Variants in BCAT1 observed in about 807,000 individuals in gnomAD.
BCAT1 encodes branched-chain-amino-acid aminotransferase, cytosolic.
Under a neutral mutation model 52.4 loss-of-function variants are expected in BCAT1, and 48 were observed. The observed-to-expected ratio is 0.92, with a 90% CI of 0.73 to 1.16. The LOEUF is 1.16. BCAT1 is among the 50% of genes most tolerant of loss of function. The pLI is 0.00. For missense variants in BCAT1, 451 were observed against 457.1 expected (o/e 0.99, Z 0.12); for synonymous variants, 167 against 161.3 (o/e 1.04, Z -0.27).
At chr12:24,871,435 T>G (rs1436652284) in intron 5 of BCAT1, among the ~76,000 whole-genome samples, 1 of 152,168 alleles carries the variant, frequency 6.6e-6, no homozygotes, top group African/African-American at 2.4e-5. Flanking sequence ...GAACACACAG[T>G]GCTGGGCGAA....
At chr12:24,848,291 G>C (rs12229575) in intron 6 of BCAT1, among the ~76,000 whole-genome samples, 10 of 151,930 alleles carry the variant, frequency 6.6e-5, no homozygotes, top group African/African-American at 2.4e-4. Context: ...ACCCCTTCCC[G>C]AACACCCTCT....
chr12:24,922,794 C>T (rs1035696839), intron 1 of BCAT1, among the ~76,000 whole-genome samples: 1 of 151,314 alleles, frequency 6.6e-6, no homozygotes, highest in African/African-American at 2.4e-5. Flanking sequence ...TGCTTGAATC[C>T]AGGAGGCAGA....
upstream of BCAT1, chr12:24,949,120 C>CGG (rs1943984112): frequency 1.7e-6 from 1 of 593,794 alleles, no homozygotes; most frequent in East Asian, 2.9e-5. Context: ...CCTCTCGCGG[C>CGG]GGAGACTCGC....
intron 1 of BCAT1, among the ~76,000 whole-genome samples, chr12:24,908,160 G>A (rs1048922164): frequency 6.6e-5 from 10 of 152,090 alleles, no homozygotes; most frequent in Admixed American, 2.6e-4. Context: ...TCATAGAACT[G>A]CTCTCCCTCA....
At chr12:24,818,133 G>A (rs937426439) in intron 10 of BCAT1, 84 bp from the exon 11 acceptor site, 2 of 1,386,296 alleles carry the variant, frequency 1.4e-6, no homozygotes, top group Admixed American at 1.8e-5. Flanking sequence ...TACCGCCAAG[G>A]TTACACAAAA....
chr12:24,942,467 C>A (rs2139763283), intron 1 of BCAT1, among the ~76,000 whole-genome samples: 2 of 151,860 alleles, frequency 1.3e-5, no homozygotes. Flanking sequence ...TTGCTTGAAC[C>A]CGGGAGGCAG....
At chr12:24,826,913 G>T (rs1940424903) in intron 10 of BCAT1, among the ~76,000 whole-genome samples, 1 of 152,014 alleles carries the variant, frequency 6.6e-6, no homozygotes, top group Non-Finnish European at 1.5e-5. Context: ...AAATGGGATT[G>T]CTTTCTTGAT....
At chr12:24,936,159 A>G (rs1327191260) in intron 1 of BCAT1, among the ~76,000 whole-genome samples, 2 of 152,220 alleles carry the variant, frequency 1.3e-5, no homozygotes, top group African/African-American at 4.8e-5. Context: ...CACCATTTCC[A>G]GGTACCAAAA....
At chr12:24,855,361 T>C (rs536735431) in intron 5 of BCAT1, among the ~76,000 whole-genome samples, 17 of 151,854 alleles carry the variant, frequency 1.1e-4, no homozygotes, top group Admixed American at 1.0e-3. Context: ...GACTGAATTA[T>C]CACCATTCTT....
chr12:24,943,712 C>A lies in BCAT1; in HGVS notation c.6+5215G>T, dbSNP rs186145630. On this transcript the variant is annotated intron_variant, in intron 1 of 10. Coordinates refer to ENST00000261192, the MANE Select transcript of BCAT1 (RefSeq NM_005504.7). Reference sequence around the variant, plus strand: ...AGTTAAAGTAGTTTGAGGCCGGGAGCGGTGGCTCACGCCTGTAATCCCAGC... The same window carrying A: ...AGTTAAAGTAGTTTGAGGCCGGGAGAGGTGGCTCACGCCTGTAATCCCAGC... Among the ~76,000 whole-genome samples, 558 of 152,162 alleles carry A rather than the reference C, an allele frequency of 3.7e-3. 2 individuals are homozygous for A. The highest frequency in any genetic ancestry group is 0.013 in the African/African-American group (535 of 41,534).
At chr12:24,846,595 G>A (rs941603436) in intron 6 of BCAT1, among the ~76,000 whole-genome samples, 2 of 152,144 alleles carry the variant, frequency 1.3e-5, no homozygotes, top group African/African-American at 4.8e-5. Context: ...GAGAGTCCAG[G>A]AAATGAAATG....
At chr12:24,880,177 G>C (rs912598994) in intron 4 of BCAT1, among the ~76,000 whole-genome samples, 2 of 152,190 alleles carry the variant, frequency 1.3e-5, no homozygotes, top group African/African-American at 2.4e-5. Flanking sequence ...AGCTGGGCAC[G>C]GTGGCTCATG....
chr12:24,946,102 G>A (rs1317685035), intron 1 of BCAT1, among the ~76,000 whole-genome samples: 1 of 152,168 alleles, frequency 6.6e-6, no homozygotes, highest in East Asian at 1.9e-4. Flanking sequence ...CTGGCAACCT[G>A]AAACCCCAAA....
chr12:24,870,937 C>T (rs190762398), intron 5 of BCAT1, among the ~76,000 whole-genome samples: 2 of 151,936 alleles, frequency 1.3e-5, no homozygotes, highest in African/African-American at 4.8e-5. Flanking sequence ...GCAGGAGAAT[C>T]GCTTGAATTT....
At chr12:24,852,612 T>G (rs1180617952) in intron 5 of BCAT1, among the ~76,000 whole-genome samples, 1 of 152,188 alleles carries the variant, frequency 6.6e-6, no homozygotes, top group East Asian at 1.9e-4. Flanking sequence ...TTCCACTAGG[T>G]GGTAGTATAC....
chr12:24,912,437 G>A (rs1372519841), intron 1 of BCAT1, among the ~76,000 whole-genome samples: 8 of 152,044 alleles, frequency 5.3e-5, no homozygotes, highest in African/African-American at 7.2e-5. Context: ...GGAGAATGGC[G>A]TGAACCAGGG....
At chr12:24,934,577 G>A (rs936798937) in intron 1 of BCAT1, among the ~76,000 whole-genome samples, 20 of 152,146 alleles carry the variant, frequency 1.3e-4, no homozygotes, top group African/African-American at 4.8e-4. Flanking sequence ...TTTTGAGACA[G>A]AGTTTAACTC....
chr12:24,839,922 T>C (rs1941126092), intron 7 of BCAT1, among the ~76,000 whole-genome samples: 1 of 152,226 alleles, frequency 6.6e-6, no homozygotes, highest in South Asian at 2.1e-4. Flanking sequence ...ACATTCTATT[T>C]ACTTCAAATA....
chr12:24,923,077 T>G (rs561410379), intron 1 of BCAT1, among the ~76,000 whole-genome samples: 1 of 152,296 alleles, frequency 6.6e-6, no homozygotes, highest in African/African-American at 2.4e-5. Flanking sequence ...CCCAAGGTTT[T>G]TATGTGGGGC....
Sources: gnomAD v4.1 joint callset for allele counts (sites outside exome capture counted in the v4.1 genomes callset) on GRCh38, gnomAD v4.1.1 for gene constraint, MANE v1.5 for transcripts, NCBI Gene and HGNC (gene_info 2026-07-23, HGNC 2026-07-21) for gene names.